Variants in CDH23 observed in about 807,000 individuals in gnomAD.
CDH23 encodes the protein cadherin related 23.
A neutral mutation model predicts 317.1 loss-of-function variants in CDH23; 189 were observed. The observed-to-expected ratio is 0.60, with a 90% confidence interval of 0.53 to 0.67. CDH23 has a LOEUF of 0.67. Ranked by LOEUF, CDH23 falls within the 30% of genes least tolerant of loss-of-function variation. The pLI is 0.00. For synonymous variants in CDH23, 1,839 were observed against 1,876.8 expected (o/e 0.98, Z 0.52); for missense variants, 4,401 against 4,592.4 (o/e 0.96, Z 1.20).
rs776230069 is a variant in CDH23 at position 71,759,846 on chromosome 10, C to CACACACACATAT, written c.4846-17833_4846-17832insCACACACATATA. Among the ~76,000 whole-genome samples, 56 of 59,962 alleles carry CACACACACATAT rather than the reference C, an allele frequency of 9.3e-4. 4 individuals are homozygous for CACACACACATAT. Among genetic ancestry groups the CACACACACATAT allele is most frequent in the Non-Finnish European group, 1.4e-3 (40 of 29,046 alleles). 39.3% of individuals were successfully genotyped at this position (59,962 alleles called of 152,430 possible). A position where few individuals can be genotyped will look rare whatever the true frequency, so the allele number is the denominator to read the frequency against. ...ACACACACACACACACACACACACA[C>CACACACACATAT]ATATACACACACACACACATATATA... is the stretch of plus-strand genomic sequence containing the variant. On this transcript the variant is annotated intron_variant, in intron 38 of 69. Transcript: ENST00000224721.
At chr10:71,811,637 CG>C in intron 64 of CDH23, 47 bp downstream of exon 64, 1 of 1,613,844 alleles carries the variant, frequency 6.2e-7, no homozygotes, top group Non-Finnish European at 8.5e-7. Flanking sequence ...CACCTGCTCC[CG>C]GATGGCCACG....
chr10:71,719,165 G>A (rs2132783848), intron 28 of CDH23, among the ~76,000 whole-genome samples: 1 of 152,306 alleles, frequency 6.6e-6, no homozygotes, highest in South Asian at 2.1e-4. Flanking sequence ...CTAAGTGCTT[G>A]AAAACAACAC....
chr10:71,479,818 G>T (rs1851978153), intron 3 of CDH23, among the ~76,000 whole-genome samples: 1 of 152,142 alleles, frequency 6.6e-6, no homozygotes, highest in Non-Finnish European at 1.5e-5. Flanking sequence ...CGGAGAGGCT[G>T]GGATGTGTGT....
intron 66 of CDH23, 152 bp from the exon 67 acceptor site, chr10:71,812,328 G>C: frequency 6.3e-7 from 1 of 1,598,908 alleles, no homozygotes; most frequent in Non-Finnish European, 8.5e-7. Context: ...TATGGTGGGA[G>C]CATGCACCAC....
intron 6 of CDH23, among the ~76,000 whole-genome samples, chr10:71,517,713 C>T (rs1259000184): frequency 1.3e-5 from 2 of 152,204 alleles, no homozygotes; most frequent in African/African-American, 2.4e-5. Context: ...GCCTTGGCGG[C>T]CCCTCTGCAT....
intron 38 of CDH23, among the ~76,000 whole-genome samples, chr10:71,745,605 A>T (rs1839837771): frequency 6.6e-6 from 1 of 152,206 alleles, no homozygotes; most frequent in Non-Finnish European, 1.5e-5. Flanking sequence ...CTACCAGGGT[A>T]GCTTGCCTCC....
Position 71,730,484 on chromosome 10 carries a change from G to A in CDH23, c.3595G>A (p.Glu1199Lys). 1 of 1,613,824 alleles carries A rather than the reference G, an allele frequency of 6.2e-7. No homozygotes were observed. The highest frequency in any genetic ancestry group is 8.5e-7 in the Non-Finnish European group (1 of 1,179,884). ...RSSVRVIVYVEDINDEAPVFT... is the reference protein window; with the variant it reads ...RSSVRVIVYVKDINDEAPVFT... ...GCTCCCACAGGTGATTGTGTACGTG[G>A]AGGACATCAACGATGAGGCCCCCGT... The change falls in exon 31 of 70, where the codon GAG (glutamate) becomes AAG (lysine). Residue 1199 changes from glutamate (E) to lysine (K), a missense_variant. Physicochemically the swap from Glu to Lys is moderately conservative, Grantham distance 56. Around this residue, in one of 3 missense-constraint regions of CDH23, gnomAD observed 3,068 missense variants for 3,203.3 expected, o/e 0.96. Coordinates refer to ENST00000224721, the MANE Select transcript of CDH23 (RefSeq NM_022124.6).
At chr10:71,597,078 C>T (rs10762458) in intron 9 of CDH23, among the ~76,000 whole-genome samples, 49,883 of 152,176 alleles carry the variant, frequency 0.33, 9,914 homozygotes, top group Non-Finnish European at 0.47. Flanking sequence ...TTTCATTTCC[C>T]AGGCAAAGTG....
At chr10:71,703,388 C>T (rs1229141634) in intron 24 of CDH23, among the ~76,000 whole-genome samples, 7 of 152,200 alleles carry the variant, frequency 4.6e-5, no homozygotes, top group African/African-American at 1.7e-4. Context: ...CACCAGGGTG[C>T]TGTGTACTTG....
At chr10:71,518,980 C>T (rs1363221420) in intron 6 of CDH23, among the ~76,000 whole-genome samples, 1 of 152,234 alleles carries the variant, frequency 6.6e-6, no homozygotes, top group Non-Finnish European at 1.5e-5. Flanking sequence ...CCCACAGCAC[C>T]ACGAAAGAGG....
intron 17 of CDH23, among the ~76,000 whole-genome samples, chr10:71,680,369 C>T (rs772564558): frequency 2.6e-5 from 4 of 152,188 alleles, no homozygotes; most frequent in Non-Finnish European, 5.9e-5. Context: ...CAGAAGGAAT[C>T]GATGTGCGTT....
intron 51 of CDH23, 77 bp downstream of exon 51, chr10:71,799,357 C>A (rs541547301): frequency 1.7e-5 from 28 of 1,607,026 alleles, no homozygotes; most frequent in Non-Finnish European, 2.3e-5. Context: ...CCTCTCCCAC[C>A]CTGCCAGCCT....
chr10:71,606,563 G>A (rs1419922240), intron 9 of CDH23, among the ~76,000 whole-genome samples: 5 of 152,176 alleles, frequency 3.3e-5, no homozygotes, highest in Non-Finnish European at 7.3e-5. Context: ...AGAAAACATT[G>A]ATTGATCACC....
intron 24 of CDH23, 106 bp downstream of exon 24, chr10:71,702,800 TG>T (rs1865642612): frequency 7.4e-7 from 1 of 1,346,076 alleles, no homozygotes; most frequent in South Asian, 1.2e-5. Flanking sequence ...GGGGAGGAGC[TG>T]GGTCTTGAAG....
intron 3 of CDH23, among the ~76,000 whole-genome samples, chr10:71,449,540 T>C (rs932431663): frequency 2.6e-5 from 4 of 152,162 alleles, no homozygotes; most frequent in African/African-American, 9.7e-5. Flanking sequence ...TGACATACTA[T>C]ATATATAGAT....
intron 28 of CDH23, chr10:71,716,407 G>T: frequency 2.3e-6 from 3 of 1,317,436 alleles, no homozygotes; most frequent in Non-Finnish European, 3.1e-6. Flanking sequence ...CGGGTATAGG[G>T]AAGACTTACC....
chr10:71,482,995 A>C (rs1852150526), intron 3 of CDH23, among the ~76,000 whole-genome samples: 1 of 152,250 alleles, frequency 6.6e-6, no homozygotes. Flanking sequence ...TACAAAGGAC[A>C]TTGAGAGGTG....
intron 11 of CDH23, among the ~76,000 whole-genome samples, chr10:71,633,043 G>A (rs1158584275): frequency 6.6e-6 from 1 of 152,068 alleles, no homozygotes; most frequent in Non-Finnish European, 1.5e-5. Flanking sequence ...TGCTCATGCA[G>A]TAGCTCAGGT....
At chr10:71,607,216 G>A (rs1860582761) in intron 9 of CDH23, among the ~76,000 whole-genome samples, 1 of 152,234 alleles carries the variant, frequency 6.6e-6, no homozygotes, top group African/African-American at 2.4e-5. Flanking sequence ...CTGCCCCAGG[G>A]GCGGGGGCTT....
Sources: allele counts gnomAD v4.1 joint callset (sites outside exome capture counted in the v4.1 genomes callset), GRCh38; gene constraint gnomAD v4.1.1; regional missense constraint gnomAD v4.1.1; transcripts MANE v1.5; gene names NCBI Gene and HGNC (gene_info 2026-07-23, HGNC 2026-07-21).